The following SGMS1 variants were observed in gnomAD, a reference collection of about 807,000 sequenced individuals.
SGMS1 encodes phosphatidylcholine:ceramide cholinephosphotransferase 1.
In SGMS1, 13 loss-of-function variants were observed where a neutral mutation model predicts 46.2. The observed-to-expected ratio is 0.28, with a 90% CI of 0.18 to 0.45. The LOEUF is 0.45. Among genes scored for constraint, SGMS1 ranks in the 20% least tolerant of loss-of-function variants. The pLI is 1.00. For missense variants in SGMS1, 324 were observed against 519.9 expected (o/e 0.62, Z 3.66); for synonymous variants, 203 against 187.8 (o/e 1.08, Z -0.66).
At chr10:50,600,033 T>C (rs1205172245) in intron 1 of SGMS1, among the ~76,000 whole-genome samples, 1 of 152,206 alleles carries the variant, frequency 6.6e-6, no homozygotes, top group African/African-American at 2.4e-5. Context: ...CTATTTCACA[T>C]GCTTCAAGCT....
intron 2 of SGMS1, among the ~76,000 whole-genome samples, chr10:50,563,698 C>G (rs997568205): frequency 2.0e-4 from 30 of 146,684 alleles, no homozygotes; most frequent in Admixed American, 2.7e-4. Flanking sequence ...AGCCGAGATC[C>G]CGCCACTGCA....
intron 2 of SGMS1, among the ~76,000 whole-genome samples, chr10:50,536,586 C>G (rs1838004412): frequency 6.6e-6 from 1 of 152,152 alleles, no homozygotes; most frequent in Admixed American, 6.5e-5. Context: ...CACTAAAGCT[C>G]TAAGAGGAAA....
At chr10:50,539,956 A>G (rs1294979551) in intron 2 of SGMS1, among the ~76,000 whole-genome samples, 1 of 152,216 alleles carries the variant, frequency 6.6e-6, no homozygotes, top group Non-Finnish European at 1.5e-5. Context: ...TGCATAAGAG[A>G]GTGGCTAAAC....
At chr10:50,469,488 A>G (rs986414949) in intron 3 of SGMS1, among the ~76,000 whole-genome samples, 3 of 152,224 alleles carry the variant, frequency 2.0e-5, no homozygotes, top group Admixed American at 1.3e-4. Context: ...TACAATGCAA[A>G]AAGTTCTTTC....
At chr10:50,388,915 A>T (rs1848725080) in intron 6 of SGMS1, among the ~76,000 whole-genome samples, 1 of 152,216 alleles carries the variant, frequency 6.6e-6, no homozygotes, top group Non-Finnish European at 1.5e-5. Context: ...ACAAGTCTAG[A>T]GCGCCGATGT....
intron 4 of SGMS1, among the ~76,000 whole-genome samples, chr10:50,462,741 G>C (rs1837280135): frequency 6.6e-6 from 1 of 152,078 alleles, no homozygotes; most frequent in Non-Finnish European, 1.5e-5. Context: ...AACGAAAAAA[G>C]ATATAAATCC....
At chr10:50,575,444 G>C (rs1241273345) in intron 2 of SGMS1, among the ~76,000 whole-genome samples, 1 of 152,112 alleles carries the variant, frequency 6.6e-6, no homozygotes, top group African/African-American at 2.4e-5. Context: ...TACTTGGGAA[G>C]CTGAGGCAGG....
chr10:50,424,452 T>C (rs1849295632), intron 6 of SGMS1, among the ~76,000 whole-genome samples: 1 of 152,200 alleles, frequency 6.6e-6, no homozygotes, highest in Admixed American at 6.5e-5. Flanking sequence ...TTAAAATACC[T>C]GTCTAAAGTG....
intron 6 of SGMS1, among the ~76,000 whole-genome samples, chr10:50,416,631 A>G (rs188390940): frequency 1.7e-3 from 253 of 152,246 alleles, no homozygotes; most frequent in African/African-American, 5.7e-3. Context: ...TTTACATGCT[A>G]TTTCTCAAAG....
upstream of SGMS1, chr10:50,625,178 A>G (rs1838911607): frequency 1.8e-6 from 1 of 548,314 alleles, no homozygotes; most frequent in South Asian, 7.9e-5. Context: ...CGAAATCGAG[A>G]CAACAGAACT....
intron 2 of SGMS1, among the ~76,000 whole-genome samples, chr10:50,555,166 C>G (rs931255687): frequency 6.6e-6 from 1 of 152,190 alleles, no homozygotes; most frequent in African/African-American, 2.4e-5. Context: ...AGGTGAGAAG[C>G]AAGGGAGACA....
At chr10:50,524,273 A>G (rs2133793333) in intron 2 of SGMS1, among the ~76,000 whole-genome samples, 1 of 152,180 alleles carries the variant, frequency 6.6e-6, no homozygotes, top group East Asian at 1.9e-4. Flanking sequence ...CAGCACCCTA[A>G]TGAGGTACAA....
At chr10:50,605,145 C>CT (rs11382314) in intron 1 of SGMS1, among the ~76,000 whole-genome samples, 102,841 of 152,102 alleles carry the variant, frequency 0.68, 35,297 homozygotes, top group African/African-American at 0.73. Context: ...CACAAAACCC[C>CT]GGACCACTGC....
At chr10:50,405,477 G>A (rs1181140227) in intron 6 of SGMS1, among the ~76,000 whole-genome samples, 1 of 152,190 alleles carries the variant, frequency 6.6e-6, no homozygotes, top group Non-Finnish European at 1.5e-5. Context: ...GATAAATTAT[G>A]CATTGCATGG....
intron 2 of SGMS1, among the ~76,000 whole-genome samples, chr10:50,527,001 G>A (rs1245843798): frequency 6.8e-6 from 1 of 147,726 alleles, no homozygotes; most frequent in Non-Finnish European, 1.5e-5. Context: ...TGAGGTGGAG[G>A]TTGCAGTGAG....
chr10:50,349,843 T>A (rs1433078274), intron 6 of SGMS1, among the ~76,000 whole-genome samples: 1 of 152,178 alleles, frequency 6.6e-6, no homozygotes, highest in Non-Finnish European at 1.5e-5. Context: ...CTCTTTTTCT[T>A]CTCAGTCTTG....
Position 50,367,133 on chromosome 10 carries a change from A to AG in SGMS1, c.-231-22789dup, listed in dbSNP as rs758540240. On this transcript the variant is annotated intron_variant, in intron 6 of 10. Transcript: ENST00000361781. The stretch of plus-strand genomic sequence containing the variant: ...TGAAGTTAAGTTTTGCAGTCCACTG[A>AG]GGATTATAAATTCTCATTAGCTGGG... 5.1e-4 allele frequency among the ~76,000 whole-genome samples: 77 copies of AG among 152,316 alleles called. 1 individual carries two copies. The highest frequency in any genetic ancestry group is 8.7e-4 in the Non-Finnish European group (59 of 68,022).
intron 4 of SGMS1, among the ~76,000 whole-genome samples, chr10:50,462,075 A>T (rs1484737155): frequency 6.6e-6 from 1 of 151,746 alleles, no homozygotes; most frequent in Non-Finnish European, 1.5e-5. Context: ...TAGCCTAGGC[A>T]ACAAAACGAG....
At chr10:50,418,395 C>CA (rs1449917793) in intron 6 of SGMS1, 1 of 152,340 alleles carries the variant, frequency 6.6e-6, no homozygotes, top group Non-Finnish European at 1.5e-5. Context: ...TCAGAGGCTC[C>CA]AAGAGCGGGG....
Sources: gnomAD v4.1 joint callset for allele counts (sites outside exome capture counted in the v4.1 genomes callset) on GRCh38, gnomAD v4.1.1 for gene constraint, MANE v1.5 for transcripts, NCBI Gene and HGNC (gene_info 2026-07-23, HGNC 2026-07-21) for gene names.